IGSF3: variants seen among roughly 807,000 people sequenced by gnomAD.
IGSF3 encodes immunoglobulin superfamily member 3.
In IGSF3, 23 loss-of-function variants were observed where a neutral mutation model predicts 114.4. The observed-to-expected ratio is 0.20, with a 90% CI of 0.14 to 0.28. The LOEUF (loss-of-function observed/expected upper bound fraction) is 0.28, where lower values mean the gene tolerates loss of function less well. Ranked by LOEUF, IGSF3 falls within the 10% of genes least tolerant of loss-of-function variation. The probability of loss-of-function intolerance (pLI) is 1.00; values close to 1 mark genes in which losing one functional copy is unlikely to be tolerated. For missense variants in IGSF3, 1,172 were observed against 1,591.5 expected, an observed-to-expected ratio of 0.74 and a Z score of 4.48; for synonymous variants, 571 against 645.2, an observed-to-expected ratio of 0.88 and a Z score of 1.74.
rs1195439996 is a variant in IGSF3 at position 116,617,413 on chromosome 1, G to A, written c.44-956C>T. The A allele has an allele frequency of 5.1e-6, 5 of 973,030 alleles. No individual in the cohort carries two copies. The South Asian group carries it at 1.9e-4, about 37-fold the overall frequency. 60.3% of individuals were successfully genotyped at this position (973,030 alleles called of 1,614,324 possible). A position where few individuals can be genotyped will look rare whatever the true frequency, so the allele number is the denominator to read the frequency against. On this transcript the variant is annotated intron_variant, in intron 2 of 10. Transcript: ENST00000369486. ...GCCTCTTCATTTCGGCAGTGGTCAC[G>A]TACTGCAGGTTGTGAAAAGCGCAGG...
In IGSF3 at chr1:116,589,008, T is replaced by A. The variant is rs1659976326; in HGVS notation, c.2126A>T (p.Gln709Leu). The change falls in exon 8 of 11, where the codon CAG becomes CTG. Residue 709 changes from glutamine to leucine, a missense_variant. Around this residue, in one of 3 missense-constraint regions of IGSF3, gnomAD observed 736 missense variants for 1,042.0 expected, o/e 0.71. Coordinates refer to ENST00000369486, the MANE Select transcript of IGSF3 (RefSeq NM_001007237.3). This position sits in a 1 kb window ranked among gnomAD's most constrained non-coding sequence, Gnocchi z 5.7. ...LNCSVKSQTS[Q>L]NSHFAVLWYV... is the part of the protein sequence containing the mutation. ...CCAGAGCACCGCAAAGTGGGAGTTCTGGCTAGTCTGAGACTTGACTGAGCA... is the reference window on the plus strand; with the variant it reads ...CCAGAGCACCGCAAAGTGGGAGTTCAGGCTAGTCTGAGACTTGACTGAGCA... 4 of 1,614,108 alleles carry A rather than the reference T, an allele frequency of 2.5e-6. No homozygotes were observed. The highest frequency in any genetic ancestry group is 3.3e-5 in the Admixed American group (2 of 60,014).
At position 116,642,677 on chromosome 1, in the gene IGSF3, C is replaced by T. The variant is rs1170245492; in HGVS notation, c.43+23607G>A. 1.3e-5 allele frequency among the ~76,000 whole-genome samples: 2 copies of T among 152,224 alleles called. No homozygotes were observed. The highest frequency in any genetic ancestry group is 2.9e-5 in the Non-Finnish European group (2 of 68,036). ...AACTGGGCGCTCCGAGGCTGTGGGC[C>T]GGTGTCCTGCCCTGAAGAGCTTGGC... On this transcript the variant is annotated intron_variant, in intron 2 of 10. Coordinates refer to ENST00000369486, the MANE Select transcript of IGSF3 (RefSeq NM_001007237.3). The surrounding 1 kb of genome is among the most constrained non-coding windows in gnomAD (Gnocchi z 5.4).
rs1402262142 is a variant in IGSF3, at chr1:116,592,960, G to C, written c.2030-3856C>G. ...GCCCTGAGAAACAAGCAGAGAAGGAGAATCAAAGGGCACGCCAGAGAGAGG... is the reference window on the plus strand; with the variant it reads ...GCCCTGAGAAACAAGCAGAGAAGGACAATCAAAGGGCACGCCAGAGAGAGG... On this transcript the variant is annotated intron_variant, in intron 7 of 10. Coordinates refer to ENST00000369486, the MANE Select transcript of IGSF3 (RefSeq NM_001007237.3). This position sits in a 1 kb window ranked among gnomAD's most constrained non-coding sequence, Gnocchi z 4.5. Among the ~76,000 whole-genome samples, 2 of 152,186 alleles carry C rather than the reference G, an allele frequency of 1.3e-5. No homozygotes were observed. The highest frequency in any genetic ancestry group is 6.5e-5 in the Admixed American group (1 of 15,278).
Position 116,636,809 on chromosome 1 carries a change from G to A in IGSF3, c.44-20352C>T, listed in dbSNP as rs541368262. Among the ~76,000 whole-genome samples, 1 of 152,256 alleles carries A rather than the reference G, an allele frequency of 6.6e-6. No homozygotes were observed. Among genetic ancestry groups the A allele is most frequent in the South Asian group, 2.1e-4 (1 of 4,814 alleles). ...ACAGCATCTCCGCGAGAAGTGTTGG[G>A]CAGTGTCCAGGAGTGTTTTTCTTCC... On this transcript the variant is annotated intron_variant, in intron 2 of 10. Coordinates refer to ENST00000369486, the MANE Select transcript of IGSF3 (RefSeq NM_001007237.3). This position sits in a 1 kb window ranked among gnomAD's most constrained non-coding sequence, Gnocchi z 4.5.
chr1:116,631,589 T>C (rs1348079119), intron 2 of IGSF3, among the ~76,000 whole-genome samples: 1 of 152,106 alleles, frequency 6.6e-6, no homozygotes, highest in East Asian at 1.9e-4. Flanking sequence ...AGTAAAGAGA[T>C]GTAGTTAACA....
chr1:116,659,612 G>A (rs1164156383), intron 2 of IGSF3, among the ~76,000 whole-genome samples: 1 of 150,738 alleles, frequency 6.6e-6, no homozygotes, highest in Non-Finnish European at 1.5e-5. Flanking sequence ...TTTTTTTTGA[G>A]ACGGGGTCTC....
chr1:116,592,278 C>T lies in IGSF3; in HGVS notation c.2030-3174G>A, dbSNP rs1432005954. Among the ~76,000 whole-genome samples the T allele has an allele frequency of 3.3e-5, 5 of 152,090 alleles. No individual in the cohort carries two copies. The highest frequency in any genetic ancestry group is 1.3e-4 in the Admixed American group (2 of 15,284). ...GGCTTTGAGAGGCCATAAATGCAGA[C>T]GTGAAAGAAAAGAGTGAGGCTTGGT... On this transcript the variant is annotated intron_variant, in intron 7 of 10. Transcript: ENST00000369486. This position sits in a 1 kb window ranked among gnomAD's most constrained non-coding sequence, Gnocchi z 4.5.
chr1:116,640,717 T>G (rs1306550790), intron 2 of IGSF3, among the ~76,000 whole-genome samples: 2 of 152,204 alleles, frequency 1.3e-5, no homozygotes, highest in Admixed American at 1.3e-4. Context: ...TTTTAAGTGG[T>G]TTCCAACTTT....
intron 2 of IGSF3, among the ~76,000 whole-genome samples, chr1:116,645,872 G>A (rs1299896109): frequency 2.0e-5 from 3 of 152,220 alleles, no homozygotes; most frequent in East Asian, 1.9e-4. Flanking sequence ...CCAGGACAGC[G>A]GCTGAGCACA....
intron 2 of IGSF3, among the ~76,000 whole-genome samples, chr1:116,643,290 C>T (rs753353720): frequency 5.3e-5 from 8 of 152,206 alleles, no homozygotes; most frequent in African/African-American, 9.7e-5. Context: ...ACCCCTCCCA[C>T]GCCACCTCTC....
At position 116,579,970 on chromosome 1, in the gene IGSF3, A is replaced by ATGTTACTAT; in HGVS notation, c.2849-94_2849-93insATAGTAACA. On this transcript the variant is annotated intron_variant, in intron 9 of 10. Coordinates refer to ENST00000369486, the MANE Select transcript of IGSF3 (RefSeq NM_001007237.3). This position sits in a 1 kb window ranked among gnomAD's most constrained non-coding sequence, Gnocchi z 6.4. ...GTCCATCATTAAACACATGATAGTA[A>ATGTTACTAT]CATCCATACTATAAGATATTATGCA... 9.2e-7 allele frequency: 1 copy of ATGTTACTAT among 1,091,426 alleles called. No homozygotes were observed. The highest frequency in any genetic ancestry group is 1.3e-6 in the Non-Finnish European group (1 of 778,080). 67.6% of individuals were successfully genotyped at this position (1,091,426 alleles called of 1,614,324 possible). A position where few individuals can be genotyped will look rare whatever the true frequency, so the allele number is the denominator to read the frequency against.
chr1:116,596,497 T>TA lies in IGSF3; in HGVS notation c.2029+3443dup, dbSNP rs1660352104. On this transcript the variant is annotated intron_variant, in intron 7 of 10. Coordinates refer to ENST00000369486, the MANE Select transcript of IGSF3 (RefSeq NM_001007237.3). This position sits in a 1 kb window ranked among gnomAD's most constrained non-coding sequence, Gnocchi z 4.1. ...ATCAGGAGTTAAAAGAGGCACAAGA[T>TA]AAAACTTCTACACCATCAGCAAACT... Among the ~76,000 whole-genome samples, 1 of 152,094 alleles carries TA rather than the reference T, an allele frequency of 6.6e-6. No individual in the cohort carries two copies. Among genetic ancestry groups the TA allele is most frequent in the Non-Finnish European group, 1.5e-5 (1 of 68,026 alleles).
Position 116,594,336 on chromosome 1 carries a change from T to C in IGSF3, c.2030-5232A>G, listed in dbSNP as rs1286349790. 1.3e-5 allele frequency among the ~76,000 whole-genome samples: 2 copies of C among 152,214 alleles called. No individual in the cohort carries two copies. Among genetic ancestry groups the C allele is most frequent in the East Asian group, 1.9e-4 (1 of 5,190 alleles). Reference sequence around the variant, plus strand: ...AGGACAATATAGCAAATTTTAAAGATATGATTAGGAATGTTATATTGTATA... The same window carrying C: ...AGGACAATATAGCAAATTTTAAAGACATGATTAGGAATGTTATATTGTATA... On this transcript the variant is annotated intron_variant, in intron 7 of 10. Coordinates refer to ENST00000369486, the MANE Select transcript of IGSF3 (RefSeq NM_001007237.3). The surrounding 1 kb of genome is among the most constrained non-coding windows in gnomAD (Gnocchi z 5.2).
chr1:116,584,522 T>A lies in IGSF3; in HGVS notation c.2848+123A>T. On this transcript the variant is annotated intron_variant, in intron 9 of 10. Coordinates refer to ENST00000369486, the MANE Select transcript of IGSF3 (RefSeq NM_001007237.3). The surrounding 1 kb of genome is among the most constrained non-coding windows in gnomAD (Gnocchi z 5.8). ...TTTTGAATATAAATGCATATACATG[T>A]AGACACTCATATATTTAACTGCAAA... is the stretch of plus-strand genomic sequence containing the variant. The A allele has an allele frequency of 1.0e-6, 1 of 956,650 alleles. No homozygotes were observed. Among genetic ancestry groups the A allele is most frequent in the Non-Finnish European group, 1.6e-6 (1 of 629,510 alleles). 59.3% of individuals were successfully genotyped at this position (956,650 alleles called of 1,614,324 possible).
chr1:116,600,730 C>G lies in IGSF3; in HGVS notation c.1625-385G>C, dbSNP rs1419342152. Among the ~76,000 whole-genome samples, 1 of 152,162 alleles carries G rather than the reference C, an allele frequency of 6.6e-6. No homozygotes were observed. The highest frequency in any genetic ancestry group is 2.4e-5 in the African/African-American group (1 of 41,440). On this transcript the variant is annotated intron_variant, in intron 6 of 10. Transcript: ENST00000369486. This position sits in a 1 kb window ranked among gnomAD's most constrained non-coding sequence, Gnocchi z 5.5. ...GAAAAGAAAACCCCAAAGCCAATTT[C>G]CTCCATTGCACAGGAGGAAAACACA...
In IGSF3 at chr1:116,642,434, C is replaced by T. The variant is rs200469946; in HGVS notation, c.43+23850G>A. ...GGCAGACCTGAGGCGGGAGTCCCCA[C>T]GCTTAGGGGAAGGGGCTCAGGCACT... On this transcript the variant is annotated intron_variant, in intron 2 of 10. Transcript: ENST00000369486. The surrounding 1 kb of genome is among the most constrained non-coding windows in gnomAD (Gnocchi z 5.4). Among the ~76,000 whole-genome samples, 2 of 152,112 alleles carry T rather than the reference C, an allele frequency of 1.3e-5. No individual in the cohort carries two copies. Among genetic ancestry groups the T allele is most frequent in the Admixed American group, 6.5e-5 (1 of 15,276 alleles).
rs1025263705 is a variant in IGSF3, at chr1:116,664,878, T to C, written c.43+1406A>G. Among the ~76,000 whole-genome samples, 5 of 152,180 alleles carry C rather than the reference T, an allele frequency of 3.3e-5. No homozygotes were observed. The highest frequency in any genetic ancestry group is 1.2e-4 in the African/African-American group (5 of 41,444). On this transcript the variant is annotated intron_variant, in intron 2 of 10. Transcript: ENST00000369486. The surrounding 1 kb of genome is among the most constrained non-coding windows in gnomAD (Gnocchi z 4.6). ...CATGCATGGAATTACCTGAGATAGC[T>C]CAAAGGCTGAGACCTGGGTCCCACT...
chr1:116,613,511 A>T (rs994627266), intron 4 of IGSF3, among the ~76,000 whole-genome samples: 2 of 152,234 alleles, frequency 1.3e-5, no homozygotes, highest in Admixed American at 1.3e-4. Context: ...TATAAACACC[A>T]TGTAGGTCAA....
At chr1:116,581,418 A>T (rs779821348) in intron 9 of IGSF3, among the ~76,000 whole-genome samples, 7 of 137,418 alleles carry the variant, frequency 5.1e-5, no homozygotes, top group Non-Finnish European at 6.0e-5. Flanking sequence ...GGCTCTGCTT[A>T]TGAAATGTTC....
Sources: gnomAD v4.1 joint callset for allele counts (sites outside exome capture counted in the v4.1 genomes callset) on GRCh38, gnomAD v4.1.1 for gene constraint, gnomAD v4.1.1 regional missense constraint, Gnocchi (gnomAD v3.1) non-coding constraint, MANE v1.5 for transcripts, NCBI Gene and HGNC (gene_info 2026-07-23, HGNC 2026-07-21) for gene names.